SOX6: variants seen among roughly 807,000 people sequenced by gnomAD.
The protein encoded by SOX6 is SRY-box transcription factor 6.
In SOX6, 11 loss-of-function variants were observed where a neutral mutation model predicts 97.8. That is an observed-to-expected ratio of 0.11 (90% CI 0.07 to 0.19). SOX6 has a LOEUF of 0.19. Among genes scored for constraint, SOX6 ranks in the 10% least tolerant of loss-of-function variants. The probability of loss-of-function intolerance (pLI) is 1.00; values close to 1 mark genes in which losing one functional copy is unlikely to be tolerated. For synonymous variants in SOX6, 360 were observed against 371.4 expected (o/e 0.97, Z 0.35); for missense variants, 810 against 1,039.5 (o/e 0.78, Z 3.04).
In SOX6 at chr11:16,097,708, A is replaced by G; in HGVS notation, c.899-20T>C. On this transcript the variant is annotated intron_variant, in intron 7 of 15. Coordinates refer to ENST00000683767, the MANE Select transcript of SOX6 (RefSeq NM_001367873.1). ...TATCACCTGTCGGAAAGAACAATGCATACAGGTTTAGACAATGCACAGGGA... is the reference window on the plus strand; with the variant it reads ...TATCACCTGTCGGAAAGAACAATGCGTACAGGTTTAGACAATGCACAGGGA... 6.2e-7 allele frequency: 1 copy of G among 1,601,722 alleles called. No individual in the cohort carries two copies. Among genetic ancestry groups the G allele is most frequent in the South Asian group, 1.1e-5 (1 of 90,860 alleles).
At chr11:16,514,911 G>A (rs954173289) in intron 4 of SOX6, among the ~76,000 whole-genome samples, 14 of 151,648 alleles carry the variant, frequency 9.2e-5, no homozygotes, top group African/African-American at 3.4e-4. Flanking sequence ...ATTCCATGGT[G>A]TATATGCGCC....
At chr11:16,326,033 A>G (rs1268117654) in intron 2 of SOX6, among the ~76,000 whole-genome samples, 1 of 152,122 alleles carries the variant, frequency 6.6e-6, no homozygotes, top group East Asian at 1.9e-4. Flanking sequence ...CAGAATTGTG[A>G]GAAATAAATG....
chr11:16,363,020 A>G (rs1857248983), intron 1 of SOX6, among the ~76,000 whole-genome samples: 1 of 152,206 alleles, frequency 6.6e-6, no homozygotes, highest in Non-Finnish European at 1.5e-5. Context: ...TTCATTCGGT[A>G]AATACATATA....
intron 1 of SOX6, among the ~76,000 whole-genome samples, chr11:16,440,835 C>T (rs745745784): frequency 3.3e-5 from 5 of 152,052 alleles, no homozygotes; most frequent in Non-Finnish European, 7.4e-5. Context: ...AGTGTCTGTC[C>T]AGAATACAAG....
At chr11:16,622,415 A>T (rs1848557751) in intron 3 of SOX6, among the ~76,000 whole-genome samples, 1 of 151,810 alleles carries the variant, frequency 6.6e-6, no homozygotes, top group Non-Finnish European at 1.5e-5. Flanking sequence ...TTTAACCCTC[A>T]TCCCCTCCCA....
At chr11:16,676,844 C>A (rs914924557) in intron 3 of SOX6, among the ~76,000 whole-genome samples, 12 of 151,962 alleles carry the variant, frequency 7.9e-5, no homozygotes, top group African/African-American at 2.9e-4. Flanking sequence ...TACACAGATC[C>A]TAAAAGTCAT....
chr11:16,124,213 T>G (rs952834292), intron 6 of SOX6, among the ~76,000 whole-genome samples: 1 of 152,128 alleles, frequency 6.6e-6, no homozygotes, highest in Non-Finnish European at 1.5e-5. Context: ...AATGTTTCTT[T>G]TAAGACCTGA....
At chr11:16,469,266 A>T (rs1430230557) in intron 1 of SOX6, among the ~76,000 whole-genome samples, 1 of 152,140 alleles carries the variant, frequency 6.6e-6, no homozygotes, top group Admixed American at 6.5e-5. Flanking sequence ...CCTCTTTCTA[A>T]CTGGCCTTGT....
intron 6 of SOX6, among the ~76,000 whole-genome samples, chr11:16,177,999 A>G (rs1851245237): frequency 6.6e-6 from 1 of 151,866 alleles, no homozygotes; most frequent in Non-Finnish European, 1.5e-5. Context: ...GGTTGTGTAG[A>G]GACTGAAGTA....
intron 4 of SOX6, among the ~76,000 whole-genome samples, chr11:16,523,777 T>G (rs1450120887): frequency 6.6e-6 from 1 of 151,476 alleles, no homozygotes; most frequent in Admixed American, 6.6e-5. Context: ...TCAAATAGAC[T>G]CAATAAAAAG....
chr11:16,602,100 A>G (rs552945007), intron 4 of SOX6, among the ~76,000 whole-genome samples: 6 of 152,352 alleles, frequency 3.9e-5, no homozygotes, highest in Admixed American at 3.9e-4. Flanking sequence ...CATAATAAAG[A>G]ACTCAATTTT....
intron 4 of SOX6, among the ~76,000 whole-genome samples, chr11:16,512,868 A>G (rs12802656): frequency 1.3e-5 from 2 of 152,074 alleles, no homozygotes; most frequent in Non-Finnish European, 2.9e-5. Flanking sequence ...ATGCACTTTT[A>G]TAACCACTGC....
chr11:16,187,798 G>A (rs1477435852), intron 4 of SOX6, among the ~76,000 whole-genome samples: 1 of 152,030 alleles, frequency 6.6e-6, no homozygotes, highest in African/African-American at 2.4e-5. Flanking sequence ...CTAAGTAAAC[G>A]GTACAGAATC....
intron 3 of SOX6, among the ~76,000 whole-genome samples, chr11:16,260,550 C>G (rs1264146515): frequency 2.0e-5 from 3 of 152,010 alleles, no homozygotes; most frequent in Non-Finnish European, 4.4e-5. Flanking sequence ...AGAATAGGAA[C>G]AAAACTGAAA....
At chr11:16,594,660 T>C (rs941743119) in intron 4 of SOX6, among the ~76,000 whole-genome samples, 8 of 151,300 alleles carry the variant, frequency 5.3e-5, no homozygotes, top group Admixed American at 4.6e-4. Context: ...ATTCTTTCAA[T>C]TTTTATTTTC....
At chr11:16,633,969 A>G (rs1378685296) in intron 3 of SOX6, among the ~76,000 whole-genome samples, 1 of 152,254 alleles carries the variant, frequency 6.6e-6, no homozygotes, top group African/African-American at 2.4e-5. Flanking sequence ...ATCAAGATTC[A>G]ATCTACAATT....
intron 3 of SOX6, among the ~76,000 whole-genome samples, chr11:16,684,538 C>T (rs193218275): frequency 6.7e-6 from 1 of 148,408 alleles, no homozygotes; most frequent in East Asian, 2.0e-4. Context: ...AATAAGAACA[C>T]ATGGACACAG....
intron 1 of SOX6, among the ~76,000 whole-genome samples, chr11:16,374,465 A>C (rs528695435): frequency 6.6e-6 from 1 of 152,228 alleles, no homozygotes; most frequent in Non-Finnish European, 1.5e-5. Context: ...ATAATTTTAA[A>C]AATTAACTTC....
At chr11:16,256,923 A>C (rs1276331751) in intron 3 of SOX6, among the ~76,000 whole-genome samples, 1 of 151,850 alleles carries the variant, frequency 6.6e-6, no homozygotes, top group Non-Finnish European at 1.5e-5. Context: ...AGCAAAGACC[A>C]AGTGGAATTT....
Sources: allele counts gnomAD v4.1 joint callset (sites outside exome capture counted in the v4.1 genomes callset), GRCh38; gene constraint gnomAD v4.1.1; transcripts MANE v1.5; gene names NCBI Gene and HGNC (gene_info 2026-07-23, HGNC 2026-07-21).